Variants in ITSN1 observed in about 807,000 individuals in gnomAD.
The protein encoded by ITSN1 is intersectin 1.
A neutral mutation model predicts 239.8 loss-of-function variants in ITSN1; 58 were observed. That is an observed-to-expected ratio of 0.24 (90% confidence interval 0.20 to 0.30). The LOEUF (loss-of-function observed/expected upper bound fraction) is 0.30, where lower values mean the gene tolerates loss of function less well. Among genes scored for constraint, ITSN1 ranks in the 10% least tolerant of loss-of-function variants. The pLI is 1.00. For synonymous variants in ITSN1, 780 were observed against 770.8 expected (o/e 1.01, Z -0.20); for missense variants, 1,558 against 2,103.3 (o/e 0.74, Z 5.07).
intron 1 of ITSN1, among the ~76,000 whole-genome samples, chr21:33,650,664 C>T (rs1488629288): frequency 6.6e-6 from 1 of 152,166 alleles, no homozygotes; most frequent in Non-Finnish European, 1.5e-5. Context: ...TCAGCTGCCC[C>T]AGTCTTGCAG....
intron 1 of ITSN1, among the ~76,000 whole-genome samples, chr21:33,646,454 T>G (rs1042759359): frequency 6.6e-6 from 1 of 152,218 alleles, no homozygotes; most frequent in Non-Finnish European, 1.5e-5. Flanking sequence ...AAAATTGTTA[T>G]GTTTTCCAAT....
chr21:33,748,780 G>A (rs943166239), intron 5 of ITSN1, among the ~76,000 whole-genome samples: 4 of 151,586 alleles, frequency 2.6e-5, no homozygotes, highest in East Asian at 3.9e-4. Flanking sequence ...TGGGACGATC[G>A]CTTGAGCCCA....
intron 26 of ITSN1, among the ~76,000 whole-genome samples, chr21:33,827,997 A>G (rs973517879): frequency 6.6e-6 from 1 of 152,250 alleles, no homozygotes; most frequent in Admixed American, 6.5e-5. Flanking sequence ...TCAGATAAAT[A>G]CAGTGGATGG....
chr21:33,670,933 A>G (rs2090235136), intron 1 of ITSN1, among the ~76,000 whole-genome samples: 1 of 152,356 alleles, frequency 6.6e-6, no homozygotes, highest in Admixed American at 6.5e-5. Context: ...GTAAAATACA[A>G]AACAGTCTTT....
At chr21:33,642,839 GGC>G (rs990496285) in intron 1 of ITSN1, 126 bp downstream of exon 1, 1 of 151,832 alleles carries the variant, frequency 6.6e-6, no homozygotes, top group African/African-American at 2.4e-5. Flanking sequence ...TTGTCTCCCC[GGC>G]CGCCCTTAGC....
chr21:33,649,158 G>T (rs193233346), intron 1 of ITSN1, among the ~76,000 whole-genome samples: 2 of 152,286 alleles, frequency 1.3e-5, no homozygotes, highest in Admixed American at 6.5e-5. Flanking sequence ...GTTCCATGTT[G>T]GCGAGTTTGG....
chr21:33,769,798 C>G (rs374558127), intron 11 of ITSN1, among the ~76,000 whole-genome samples: 3 of 151,550 alleles, frequency 2.0e-5, no homozygotes, highest in African/African-American at 4.8e-5. Context: ...TGGGTTCTAG[C>G]GATTCTCCTG....
chr21:33,797,532 A>G lies in ITSN1; in HGVS notation c.2106A>G (p.Gln702=). 6.2e-7 allele frequency: 1 copy of G among 1,614,178 alleles called. No homozygotes were observed. Among genetic ancestry groups the G allele is most frequent in the Non-Finnish European group, 8.5e-7 (1 of 1,180,038 alleles). The change falls in exon 18 of 40, where the codon CAA becomes CAG. Residue 702 remains glutamine, a synonymous_variant. Coordinates refer to ENST00000381318, the MANE Select transcript of ITSN1 (RefSeq NM_003024.3). The surrounding 1 kb of genome is among the most constrained non-coding windows in gnomAD (Gnocchi z 4.9). ...AGGAAAAAGGCAAACAGGAAGCACA[A>G]GACAAGCTGGGTCGGCTTTTCCATC... is the stretch of plus-strand genomic sequence containing the variant. The part of the protein sequence containing the change: ...DGEEKGKQEA[Q]DKLGRLFHQH...
At chr21:33,647,403 T>C (rs2088066587) in intron 1 of ITSN1, among the ~76,000 whole-genome samples, 1 of 152,172 alleles carries the variant, frequency 6.6e-6, no homozygotes, top group African/African-American at 2.4e-5. Flanking sequence ...GCTTAACATC[T>C]TGTCATGAGT....
intron 5 of ITSN1, among the ~76,000 whole-genome samples, chr21:33,744,221 C>G (rs1214009228): frequency 6.6e-6 from 1 of 152,112 alleles, no homozygotes; most frequent in East Asian, 1.9e-4. Flanking sequence ...TATTGTTATT[C>G]TGAAACTGTT....
chr21:33,659,016 T>G (rs1339436508), intron 1 of ITSN1, among the ~76,000 whole-genome samples: 1 of 151,984 alleles, frequency 6.6e-6, no homozygotes, highest in East Asian at 1.9e-4. Context: ...GAGGAAGCAG[T>G]CAGGAAACTG....
At chr21:33,787,250 T>G (rs555741380) in intron 16 of ITSN1, among the ~76,000 whole-genome samples, 1 of 152,300 alleles carries the variant, frequency 6.6e-6, no homozygotes, top group South Asian at 2.1e-4. Flanking sequence ...AAGCGCTCAG[T>G]TGTTATTTGG....
At chr21:33,769,798 C>T (rs374558127) in intron 11 of ITSN1, among the ~76,000 whole-genome samples, 5 of 151,432 alleles carry the variant, frequency 3.3e-5, no homozygotes, top group East Asian at 1.9e-4. Flanking sequence ...TGGGTTCTAG[C>T]GATTCTCCTG....
chr21:33,887,856 C>CCTCG (rs1986030769), intron 39 of ITSN1, among the ~76,000 whole-genome samples: 2 of 152,178 alleles, frequency 1.3e-5, no homozygotes, highest in Admixed American at 1.3e-4. Flanking sequence ...GATCCTCCTG[C>CCTCG]CTCGGCCTCC....
chr21:33,740,086 A>G (rs1011587228), intron 5 of ITSN1, among the ~76,000 whole-genome samples: 1 of 152,248 alleles, frequency 6.6e-6, no homozygotes, highest in Admixed American at 6.5e-5. Flanking sequence ...GGCTTTTCAC[A>G]TGAATAACTA....
intron 4 of ITSN1, among the ~76,000 whole-genome samples, chr21:33,730,465 G>A (rs1478429309): frequency 2.4e-5 from 3 of 123,926 alleles, no homozygotes; most frequent in African/African-American, 9.2e-5. Context: ...GCAGTGACGT[G>A]ATCTCGGCTC....
chr21:33,886,571 T>A, intron 39 of ITSN1, 111 bp downstream of exon 39: 1 of 961,504 alleles, frequency 1.0e-6, no homozygotes, highest in Non-Finnish European at 1.5e-6. Context: ...GTTTCCCTCC[T>A]GAGAGATGAG....
chr21:33,867,382 G>T, intron 33 of ITSN1, 51 bp downstream of exon 33: 1 of 999,202 alleles, frequency 1.0e-6, no homozygotes, highest in Non-Finnish European at 1.6e-6. Flanking sequence ...CTCTGCATTG[G>T]AGAGGGCTGG....
rs771008632 is a variant in ITSN1, at chr21:33,782,147, G to A, written c.1824+14G>A. 3.1e-6 allele frequency: 5 copies of A among 1,612,352 alleles called. No homozygotes were observed. The highest frequency in any genetic ancestry group is 4.2e-6 in the Non-Finnish European group (5 of 1,178,988). ...AATCAGCTGAAGGTAACTCTTCTAT[G>A]TGTGCCTGCATGTGTGTCCTACCTT... On this transcript the variant is annotated intron_variant, in intron 16 of 39. Coordinates refer to ENST00000381318, the MANE Select transcript of ITSN1 (RefSeq NM_003024.3).
Sources: gnomAD v4.1 joint callset for allele counts (sites outside exome capture counted in the v4.1 genomes callset) on GRCh38, gnomAD v4.1.1 for gene constraint, Gnocchi (gnomAD v3.1) non-coding constraint, MANE v1.5 for transcripts, NCBI Gene and HGNC (gene_info 2026-07-23, HGNC 2026-07-21) for gene names.